PEX5L: variants seen among roughly 807,000 people sequenced by gnomAD.
PEX5L encodes PEX5-related protein.
Under a neutral mutation model 84.0 loss-of-function variants are expected in PEX5L, and 30 were observed. The ratio of observed to expected loss-of-function variants is 0.36; its 90% CI spans 0.27 to 0.48. PEX5L has a LOEUF of 0.48. PEX5L is among the 20% of genes least tolerant of loss of function. The pLI, the probability that PEX5L is intolerant of heterozygous loss-of-function variation, is 0.99. For missense variants in PEX5L, 533 were observed against 754.6 expected, an observed-to-expected ratio of 0.71 and a Z score of 3.44; for synonymous variants, 270 against 283.1, an observed-to-expected ratio of 0.95 and a Z score of 0.46.
intron 2 of PEX5L, among the ~76,000 whole-genome samples, chr3:179,923,300 A>AAAAAC (rs1411531192): frequency 8.7e-4 from 126 of 144,810 alleles, no homozygotes; most frequent in East Asian, 2.0e-3. Flanking sequence ...CAAAAAAAAA[A>AAAAAC]AAAAAAAAAA....
At chr3:179,923,248 G>A (rs566920216) in intron 2 of PEX5L, among the ~76,000 whole-genome samples, 4 of 131,952 alleles carry the variant, frequency 3.0e-5, no homozygotes, top group South Asian at 2.4e-4. Context: ...TCGAGATCGC[G>A]CCACTGCACT....
intron 8 of PEX5L, among the ~76,000 whole-genome samples, chr3:179,856,893 C>A (rs187379752): frequency 5.9e-5 from 9 of 152,290 alleles, no homozygotes; most frequent in Admixed American, 5.9e-4. Context: ...GGAATCCAAG[C>A]CCCTCAACTT....
chr3:179,995,894 G>A (rs534178536), intron 1 of PEX5L, among the ~76,000 whole-genome samples: 2 of 152,172 alleles, frequency 1.3e-5, no homozygotes, highest in South Asian at 2.1e-4. Flanking sequence ...GAATGGGGAC[G>A]TGTGGGAGGA....
At chr3:179,925,040 G>A (rs1022573753) in intron 2 of PEX5L, among the ~76,000 whole-genome samples, 1 of 152,172 alleles carries the variant, frequency 6.6e-6, no homozygotes, top group African/African-American at 2.4e-5. Context: ...GTAAGAATTA[G>A]AAAGTCCTAA....
chr3:179,917,046 A>AAG (rs1767413609), intron 2 of PEX5L, among the ~76,000 whole-genome samples: 1 of 151,542 alleles, frequency 6.6e-6, no homozygotes, highest in Non-Finnish European at 1.5e-5. Flanking sequence ...GTAAAAAAAT[A>AAG]TATTTTCTGT....
chr3:179,827,564 G>A (rs1731009153), intron 8 of PEX5L, among the ~76,000 whole-genome samples: 1 of 152,116 alleles, frequency 6.6e-6, no homozygotes, highest in Non-Finnish European at 1.5e-5. Flanking sequence ...AACAAATATT[G>A]TTGTTTTAAG....
At chr3:179,859,990 T>C (rs948759824) in intron 7 of PEX5L, among the ~76,000 whole-genome samples, 5 of 152,032 alleles carry the variant, frequency 3.3e-5, no homozygotes, top group Non-Finnish European at 7.4e-5. Flanking sequence ...TGCAGTTACA[T>C]AAACATTTAA....
chr3:179,930,982 T>A (rs1388637416), intron 2 of PEX5L, among the ~76,000 whole-genome samples: 25 of 152,202 alleles, frequency 1.6e-4, no homozygotes, highest in Admixed American at 1.6e-3. Flanking sequence ...CAGCCTTGTA[T>A]TTCCAGCAGT....
At chr3:180,015,354 C>G (rs549620873) in intron 1 of PEX5L, among the ~76,000 whole-genome samples, 2 of 152,244 alleles carry the variant, frequency 1.3e-5, no homozygotes, top group Non-Finnish European at 2.9e-5. Context: ...AACGAGCTAC[C>G]AAATTTTAAT....
chr3:179,879,872 T>C, intron 5 of PEX5L, 57 bp downstream of exon 5: 1 of 1,245,302 alleles, frequency 8.0e-7, no homozygotes, highest in South Asian at 1.6e-5. Flanking sequence ...AATTTCCTCT[T>C]GTATCCACAT....
chr3:179,889,140 T>C (rs536213491), intron 3 of PEX5L, among the ~76,000 whole-genome samples: 13 of 152,272 alleles, frequency 8.5e-5, no homozygotes, highest in African/African-American at 3.1e-4. Flanking sequence ...AAATAGCAAA[T>C]GGAGTGCTTT....
At chr3:179,995,825 C>T (rs1787839428) in intron 1 of PEX5L, among the ~76,000 whole-genome samples, 1 of 152,192 alleles carries the variant, frequency 6.6e-6, no homozygotes, top group African/African-American at 2.4e-5. Flanking sequence ...ACAGCCTCTC[C>T]AGGTGTCTAC....
At chr3:179,964,723 G>A (rs1782899013) in intron 2 of PEX5L, among the ~76,000 whole-genome samples, 1 of 152,120 alleles carries the variant, frequency 6.6e-6, no homozygotes, top group South Asian at 2.1e-4. Context: ...AATCACTAGA[G>A]AAATGCATAC....
intron 10 of PEX5L, among the ~76,000 whole-genome samples, chr3:179,813,319 G>C (rs563452168): frequency 6.6e-6 from 1 of 152,186 alleles, no homozygotes; most frequent in Admixed American, 6.5e-5. Flanking sequence ...TTATGAATCT[G>C]AGATCGTAAT....
In PEX5L at chr3:179,801,583, C is replaced by A; in HGVS notation, c.*245G>T. 1 of 465,118 alleles carries A rather than the reference C, an allele frequency of 2.1e-6. No homozygotes were observed. Among genetic ancestry groups the A allele is most frequent in the Non-Finnish European group, 3.8e-6 (1 of 260,700 alleles). The allele number at this position is 465,118 out of a possible 1,614,324, so 28.8% of individuals were successfully genotyped here. ...AGTATTCAACACACAGTTACTTTATCTTGGTTTGTCTTGAGTCTCTTAATT... is the reference window on the plus strand; with the variant it reads ...AGTATTCAACACACAGTTACTTTATATTGGTTTGTCTTGAGTCTCTTAATT... On this transcript the variant is annotated 3_prime_UTR_variant, in exon 15 of 15. Transcript: ENST00000467460.
intron 2 of PEX5L, among the ~76,000 whole-genome samples, chr3:179,945,439 C>T (rs932438979): frequency 1.3e-5 from 2 of 152,220 alleles, no homozygotes; most frequent in African/African-American, 2.4e-5. Flanking sequence ...TTCTAAATCT[C>T]TCTAAGTCTG....
chr3:180,005,710 C>T (rs1390040678), intron 1 of PEX5L, among the ~76,000 whole-genome samples: 1 of 149,180 alleles, frequency 6.7e-6, no homozygotes, highest in African/African-American at 2.5e-5. Context: ...GCCTGGGCGA[C>T]AGAGCGAGAC....
At chr3:179,859,435 A>G (rs1026758922) in intron 7 of PEX5L, among the ~76,000 whole-genome samples, 2 of 152,148 alleles carry the variant, frequency 1.3e-5, no homozygotes, top group African/African-American at 2.4e-5. Flanking sequence ...ATCTTATTTT[A>G]ATTGGTCTCG....
At chr3:179,808,139 T>C (rs753068662) in intron 13 of PEX5L, 133 bp downstream of exon 13, 12 of 672,182 alleles carry the variant, frequency 1.8e-5, no homozygotes, top group Non-Finnish European at 2.6e-5. Context: ...TAGCACATTA[T>C]TATTAGTACC....
Sources: allele counts gnomAD v4.1 joint callset (sites outside exome capture counted in the v4.1 genomes callset), GRCh38; gene constraint gnomAD v4.1.1; transcripts MANE v1.5; gene names NCBI Gene and HGNC (gene_info 2026-07-23, HGNC 2026-07-21).